The following CFAP299 variants were observed in gnomAD, a reference collection of about 807,000 sequenced individuals.
The protein encoded by CFAP299 is cilia and flagella associated protein 299, also known as cilia- and flagella-associated protein 299.
Under a neutral mutation model 27.0 loss-of-function variants are expected in CFAP299, and 21 were observed. The ratio of observed to expected loss-of-function variants is 0.78; its 90% confidence interval spans 0.55 to 1.12. CFAP299 has a LOEUF of 1.12. CFAP299 is among the 50% of genes most tolerant of loss of function. The pLI is 0.00. For synonymous variants in CFAP299, 104 were observed against 98.1 expected (o/e 1.06, Z -0.36); for missense variants, 310 against 276.6 (o/e 1.12, Z -0.86).
intron 1 of CFAP299, among the ~76,000 whole-genome samples, chr4:80,352,751 A>G (rs1723075433): frequency 6.6e-6 from 1 of 152,082 alleles, no homozygotes; most frequent in Non-Finnish European, 1.5e-5. Context: ...CTAGAAATCA[A>G]CTATAGGAAT....
At chr4:80,881,457 T>G (rs1382812002) in intron 4 of CFAP299, among the ~76,000 whole-genome samples, 2 of 152,180 alleles carry the variant, frequency 1.3e-5, no homozygotes, top group Non-Finnish European at 2.9e-5. Flanking sequence ...TAGCTGGCAC[T>G]GCTCTATAAA....
At chr4:80,835,949 A>C (rs985114538) in intron 3 of CFAP299, among the ~76,000 whole-genome samples, 2 of 152,190 alleles carry the variant, frequency 1.3e-5, no homozygotes, top group Non-Finnish European at 2.9e-5. Flanking sequence ...AGATGAGTGC[A>C]AAGTCCTTTC....
At chr4:80,805,377 G>A (rs1374456805) in intron 3 of CFAP299, among the ~76,000 whole-genome samples, 1 of 152,010 alleles carries the variant, frequency 6.6e-6, no homozygotes, top group Non-Finnish European at 1.5e-5. Flanking sequence ...AAATAAATAG[G>A]TATTTTTTCC....
intron 4 of CFAP299, among the ~76,000 whole-genome samples, chr4:80,910,620 G>T (rs1212485668): frequency 1.3e-5 from 2 of 152,032 alleles, no homozygotes; most frequent in African/African-American, 2.4e-5. Context: ...GGAGCTAAAT[G>T]ATGAGAACAC....
At chr4:80,591,112 T>TTA (rs1736735348) in intron 3 of CFAP299, among the ~76,000 whole-genome samples, 5 of 129,416 alleles carry the variant, frequency 3.9e-5, no homozygotes, top group Non-Finnish European at 5.0e-5. Context: ...GAAATTTTTT[T>TTA]TTTTTTTTTT....
intron 2 of CFAP299, among the ~76,000 whole-genome samples, chr4:80,507,756 C>G (rs1312141337): frequency 2.0e-5 from 3 of 152,198 alleles, no homozygotes; most frequent in Non-Finnish European, 2.9e-5. Flanking sequence ...CCTGAATACA[C>G]TACAGCTGCC....
chr4:80,580,031 C>A (rs1038378550), intron 2 of CFAP299, among the ~76,000 whole-genome samples: 6 of 152,056 alleles, frequency 3.9e-5, no homozygotes, highest in Non-Finnish European at 7.4e-5. Flanking sequence ...AGTACCCTAA[C>A]TGTATAGTCA....
At chr4:80,831,677 T>G (rs1730308788) in intron 3 of CFAP299, among the ~76,000 whole-genome samples, 1 of 152,186 alleles carries the variant, frequency 6.6e-6, no homozygotes, top group Non-Finnish European at 1.5e-5. Context: ...TTGACAACTA[T>G]TAGTATATGG....
chr4:80,707,114 A>G (rs1256305974), intron 3 of CFAP299, among the ~76,000 whole-genome samples: 4 of 152,000 alleles, frequency 2.6e-5, no homozygotes, highest in Admixed American at 1.3e-4. Context: ...TTAATCTTCT[A>G]TAGTAACACA....
intron 3 of CFAP299, among the ~76,000 whole-genome samples, chr4:80,620,460 A>G (rs561644555): frequency 6.6e-6 from 1 of 152,158 alleles, no homozygotes; most frequent in Non-Finnish European, 1.5e-5. Context: ...GATAGCAGAC[A>G]TGTTCATATA....
intron 3 of CFAP299, among the ~76,000 whole-genome samples, chr4:80,837,850 T>G (rs1412382681): frequency 6.6e-6 from 1 of 152,164 alleles, no homozygotes; most frequent in East Asian, 1.9e-4. Context: ...CACCATCCTG[T>G]CTTCCACAAT....
intron 1 of CFAP299, among the ~76,000 whole-genome samples, chr4:80,343,651 C>T (rs956299930): frequency 3.3e-5 from 5 of 151,322 alleles, no homozygotes; most frequent in Admixed American, 2.0e-4. Flanking sequence ...TAGCCAGGCG[C>T]GGTGGCGGGC....
At chr4:80,645,434 T>C (rs1420372172) in intron 3 of CFAP299, among the ~76,000 whole-genome samples, 1 of 152,148 alleles carries the variant, frequency 6.6e-6, no homozygotes, top group African/African-American at 2.4e-5. Context: ...AAAAAGTATC[T>C]GTTAATACTC....
In CFAP299 at chr4:80,876,137, ATAT is replaced by A. The variant is rs202141300; in HGVS notation, c.476+6006_476+6008del. Among the ~76,000 whole-genome samples, 542 of 148,334 alleles carry A rather than the reference ATAT, an allele frequency of 3.7e-3. 2 individuals are homozygous for A. Among genetic ancestry groups the A allele is most frequent in the African/African-American group, 0.013 (527 of 40,904 alleles). ...TTTATATATTACATATTATATATAA[ATAT>A]TATATATTACATTTATAAATATTAT... On this transcript the variant is annotated intron_variant, in intron 4 of 5. Transcript: ENST00000358105.
At chr4:80,666,100 AT>A (rs1741132322) in intron 3 of CFAP299, among the ~76,000 whole-genome samples, 1 of 152,114 alleles carries the variant, frequency 6.6e-6, no homozygotes, top group Admixed American at 6.6e-5. Context: ...GGGTAAATTC[AT>A]TGTTCTTTTC....
At chr4:80,770,741 G>A (rs1164050034) in intron 3 of CFAP299, among the ~76,000 whole-genome samples, 1 of 152,096 alleles carries the variant, frequency 6.6e-6, no homozygotes, top group Non-Finnish European at 1.5e-5. Context: ...GGAAATATTT[G>A]TTCCCAACCT....
At chr4:80,764,234 A>G (rs969639291) in intron 3 of CFAP299, among the ~76,000 whole-genome samples, 1 of 152,166 alleles carries the variant, frequency 6.6e-6, no homozygotes. Flanking sequence ...AGAGTCTACA[A>G]GGAACTTAAA....
chr4:80,629,497 G>A (rs749562544), intron 3 of CFAP299, among the ~76,000 whole-genome samples: 3 of 152,082 alleles, frequency 2.0e-5, no homozygotes, highest in Non-Finnish European at 4.4e-5. Flanking sequence ...ATAGCTATAT[G>A]AGGGAATACA....
chr4:80,773,660 T>C (rs566397640), intron 3 of CFAP299, among the ~76,000 whole-genome samples: 145 of 152,242 alleles, frequency 9.5e-4, no homozygotes, highest in Middle Eastern at 6.8e-3. Context: ...AGCCTTGTTA[T>C]GTTTTTGTTA....
Sources: gnomAD v4.1 joint callset for allele counts (sites outside exome capture counted in the v4.1 genomes callset) on GRCh38, gnomAD v4.1.1 for gene constraint, MANE v1.5 for transcripts, NCBI Gene and HGNC (gene_info 2026-07-23, HGNC 2026-07-21) for gene names.